The following RPGRIP1L variants were observed in gnomAD, a reference collection of about 807,000 sequenced individuals.
RPGRIP1L encodes the protein RPGRIP1 like, also known as protein fantom.
RPGRIP1L carries 131 observed loss-of-function variants against 160.4 expected under a neutral mutation model. The ratio of observed to expected loss-of-function variants is 0.82; its 90% CI spans 0.71 to 0.94. The LOEUF (loss-of-function observed/expected upper bound fraction) is 0.94, where lower values mean the gene tolerates loss of function less well. Among genes scored for constraint, RPGRIP1L ranks in the 40% least tolerant of loss-of-function variants. The probability of loss-of-function intolerance (pLI) is 0.00; values close to 1 mark genes in which losing one functional copy is unlikely to be tolerated. For synonymous variants in RPGRIP1L, 510 were observed against 515.8 expected (o/e 0.99, Z 0.15); for missense variants, 1,522 against 1,535.8 (o/e 0.99, Z 0.15).
chr16:53,676,176 T>C (rs1468396036), intron 6 of RPGRIP1L, among the ~76,000 whole-genome samples: 1 of 152,202 alleles, frequency 6.6e-6, no homozygotes, highest in Non-Finnish European at 1.5e-5. Context: ...TCCTCTTTGA[T>C]ATTTGAAAGT....
At position 53,646,010 on chromosome 16, in the gene RPGRIP1L, A is replaced by G. The variant is rs1234642173; in HGVS notation, c.2305-7T>C. 1 of 1,613,398 alleles carries G rather than the reference A, an allele frequency of 6.2e-7. No individual in the cohort carries two copies. The highest frequency in any genetic ancestry group is 8.5e-7 in the Non-Finnish European group (1 of 1,179,320). On this transcript the variant is annotated splice_region_variant and splice_polypyrimidine_tract_variant and intron_variant, in intron 16 of 26. Coordinates refer to ENST00000647211, the MANE Select transcript of RPGRIP1L (RefSeq NM_015272.5). Reference sequence around the variant, plus strand: ...TGGGTGCTTGCTGACTTAACTGGAAAAACATACATATTTATATTAAGGAAA... The same window carrying G: ...TGGGTGCTTGCTGACTTAACTGGAAGAACATACATATTTATATTAAGGAAA...
intron 6 of RPGRIP1L, among the ~76,000 whole-genome samples, chr16:53,685,910 G>C (rs1329585101): frequency 6.6e-6 from 1 of 152,204 alleles, no homozygotes; most frequent in Non-Finnish European, 1.5e-5. Flanking sequence ...TGTCATAGAT[G>C]AAAAGGCAGC....
Position 53,638,385 on chromosome 16 carries a change from C to T in RPGRIP1L, c.2985G>A (p.Arg995=), listed in dbSNP as rs1437019797. The T allele has an allele frequency of 6.3e-7, 1 of 1,589,118 alleles. No homozygotes were observed. Among genetic ancestry groups the T allele is most frequent in the Non-Finnish European group, 8.6e-7 (1 of 1,157,904 alleles). Residue 995 remains arginine, a synonymous_variant, in exon 20 of 27, where the codon AGG becomes AGA. Coordinates refer to ENST00000647211, the MANE Select transcript of RPGRIP1L (RefSeq NM_015272.5). ...GCTCTACCTCTGGTGAAATTTCCTT[C>T]CTATCTTCAGGAGGAGGAGAAGTCT... ...SDETSPPPED[R]KEISPEVEHI...
intron 6 of RPGRIP1L, among the ~76,000 whole-genome samples, chr16:53,682,114 C>T (rs531077946): frequency 7.9e-5 from 12 of 152,258 alleles, no homozygotes; most frequent in African/African-American, 2.9e-4. Flanking sequence ...GCTATTTCCT[C>T]AATTTCAACA....
chr16:53,687,716 A>G, intron 5 of RPGRIP1L, 147 bp downstream of exon 5: 1 of 625,194 alleles, frequency 1.6e-6, no homozygotes, highest in Non-Finnish European at 2.9e-6. Context: ...AGAACATGTT[A>G]TATAACATCT....
rs188594966 is a variant in RPGRIP1L at position 53,610,964 on chromosome 16, T to C, written c.3701+3A>G. On this transcript the variant is annotated splice_donor_region_variant and intron_variant, in intron 25 of 26. Coordinates refer to ENST00000647211, the MANE Select transcript of RPGRIP1L (RefSeq NM_015272.5). ...TTAGATTATTTGGACTGCCAAAACA[T>C]ACCTTCTATTAGGCATCTCTTGTTT... The C allele has an allele frequency of 1.1e-5, 18 of 1,596,702 alleles. No homozygotes were observed. Among genetic ancestry groups the C allele is most frequent in the Non-Finnish European group, 1.3e-5 (15 of 1,164,190 alleles).
chr16:53,634,547 G>C (rs1965713103), intron 22 of RPGRIP1L, among the ~76,000 whole-genome samples: 1 of 152,244 alleles, frequency 6.6e-6, no homozygotes, highest in Middle Eastern at 3.4e-3. Flanking sequence ...TCTATTGGGA[G>C]GTGTTTGGGT....
At chr16:53,702,949 A>G (rs1349085335) in intron 1 of RPGRIP1L, among the ~76,000 whole-genome samples, 3 of 152,238 alleles carry the variant, frequency 2.0e-5, no homozygotes, top group Non-Finnish European at 4.4e-5. Context: ...AGTGCCTGGT[A>G]CAGGGTGGGA....
At chr16:53,689,884 G>A (rs932173702) in intron 4 of RPGRIP1L, among the ~76,000 whole-genome samples, 1 of 152,154 alleles carries the variant, frequency 6.6e-6, no homozygotes, top group East Asian at 1.9e-4. Context: ...CACCAAGAGA[G>A]TACAAATGTA....
Position 53,658,709 on chromosome 16 carries a change from C to T in RPGRIP1L, c.1350+63G>A. ...TTCGCTTTGTAGTATAGTGCTTTCT[C>T]TATGCATAAAATATTGAGATAAAAA... On this transcript the variant is annotated intron_variant, in intron 11 of 26. Transcript: ENST00000647211. 5 of 1,105,248 alleles carry T rather than the reference C, an allele frequency of 4.5e-6. 1 individual carries two copies. The highest frequency in any genetic ancestry group is 1.3e-6 in the Non-Finnish European group (1 of 743,568). The allele number at this position is 1,105,248 out of a possible 1,614,324, so 68.5% of individuals were successfully genotyped here.
At chr16:53,649,371 T>C (rs1018439875) in intron 15 of RPGRIP1L, among the ~76,000 whole-genome samples, 1 of 152,232 alleles carries the variant, frequency 6.6e-6, no homozygotes, top group South Asian at 2.1e-4. Flanking sequence ...CAATTTGTAC[T>C]ATTTCATTCC....
chr16:53,659,252 G>T, intron 10 of RPGRIP1L: 1 of 917,326 alleles, frequency 1.1e-6, no homozygotes, highest in Non-Finnish European at 1.3e-6. Flanking sequence ...AAAAAAAATT[G>T]TCTTTTAGTT....
At chr16:53,651,502 G>A (rs1966853048) in intron 15 of RPGRIP1L, among the ~76,000 whole-genome samples, 1 of 152,158 alleles carries the variant, frequency 6.6e-6, no homozygotes, top group African/African-American at 2.4e-5. Context: ...ATCTGGCCCC[G>A]CCTATCACTT....
intron 6 of RPGRIP1L, among the ~76,000 whole-genome samples, chr16:53,680,521 C>T (rs1386690863): frequency 1.3e-5 from 2 of 151,820 alleles, no homozygotes; most frequent in East Asian, 1.9e-4. Context: ...ACGTGACCCT[C>T]GACTGGATCC....
chr16:53,618,190 G>C (rs192879850), intron 24 of RPGRIP1L, among the ~76,000 whole-genome samples: 1 of 152,292 alleles, frequency 6.6e-6, no homozygotes, highest in Admixed American at 6.5e-5. Context: ...CCTGCCTGCT[G>C]CTATGAATGG....
chr16:53,635,396 G>A (rs1183925951), intron 22 of RPGRIP1L: 1 of 152,110 alleles, frequency 6.6e-6, no homozygotes, highest in Non-Finnish European at 1.5e-5. Flanking sequence ...GAAACGATGG[G>A]TATCTCTATT....
At chr16:53,651,337 C>T (rs1353489916) in intron 15 of RPGRIP1L, among the ~76,000 whole-genome samples, 1 of 152,180 alleles carries the variant, frequency 6.6e-6, no homozygotes, top group Non-Finnish European at 1.5e-5. Context: ...TCCAAGCCAC[C>T]ATCGTCTTTC....
At chr16:53,620,218 GCAT>G (rs771975314) in intron 23 of RPGRIP1L, among the ~76,000 whole-genome samples, 63 of 152,064 alleles carry the variant, frequency 4.1e-4, no homozygotes, top group Non-Finnish European at 6.6e-4. Context: ...ATATTTCAAA[GCAT>G]ATAATATAAT....
At chr16:53,651,305 G>A (rs745500751) in intron 15 of RPGRIP1L, among the ~76,000 whole-genome samples, 3 of 151,932 alleles carry the variant, frequency 2.0e-5, no homozygotes, top group Admixed American at 1.3e-4. Context: ...ACTTTTTATC[G>A]CCACTTTCAT....
Sources: allele counts gnomAD v4.1 joint callset (sites outside exome capture counted in the v4.1 genomes callset), GRCh38; gene constraint gnomAD v4.1.1; transcripts MANE v1.5; gene names NCBI Gene and HGNC (gene_info 2026-07-23, HGNC 2026-07-21).